RRM1: variants seen among roughly 807,000 people sequenced by gnomAD.
The protein encoded by RRM1 is ribonucleoside-diphosphate reductase large subunit.
A neutral mutation model predicts 101.5 loss-of-function variants in RRM1; 19 were observed. The observed-to-expected ratio is 0.19, with a 90% confidence interval of 0.13 to 0.27. The LOEUF (loss-of-function observed/expected upper bound fraction) is 0.27, where lower values mean the gene tolerates loss of function less well. Among genes scored for constraint, RRM1 ranks in the 10% least tolerant of loss-of-function variants. The pLI is 1.00. For synonymous variants in RRM1, 298 were observed against 323.4 expected (o/e 0.92, Z 0.84); for missense variants, 500 against 962.9 (o/e 0.52, Z 6.36).
chr11:4,118,195 T>C, intron 7 of RRM1, 125 bp from the exon 8 acceptor site: 1 of 940,140 alleles, frequency 1.1e-6, no homozygotes. Flanking sequence ...TTGAAAATCA[T>C]TTAGGAACTT....
Position 4,121,634 on chromosome 11 carries a change from C to G in RRM1, c.907C>G (p.Pro303Ala). 6.2e-7 allele frequency: 1 copy of G among 1,613,528 alleles called. No individual in the cohort carries two copies. Among genetic ancestry groups the G allele is most frequent in the Non-Finnish European group, 8.5e-7 (1 of 1,179,718 alleles). ...RPGAFAIYLE[P>A]WHLDIFEFLD... ...TGGGGCATTTGCTATTTACCTGGAGCCTTGGCATTTAGACATCTTTGAATT... is the reference window on the plus strand; with the variant it reads ...TGGGGCATTTGCTATTTACCTGGAGGCTTGGCATTTAGACATCTTTGAATT... Residue 303 changes from proline to alanine, a missense_variant, in exon 10 of 19, where the codon CCT (proline) becomes GCT (alanine). This residue lies in a region of RRM1 where 111 missense variants were observed against 219.8 expected (regional missense o/e 0.51). Coordinates refer to ENST00000300738, the MANE Select transcript of RRM1 (RefSeq NM_001033.5).
chr11:4,127,923 G>A (rs900536328), intron 14 of RRM1, among the ~76,000 whole-genome samples: 1 of 152,126 alleles, frequency 6.6e-6, no homozygotes, highest in Admixed American at 6.5e-5. Flanking sequence ...TCTTTTCTGG[G>A]TCTGTGTTCA....
At chr11:4,128,588 C>G (rs2094593838) in intron 14 of RRM1, among the ~76,000 whole-genome samples, 1 of 152,170 alleles carries the variant, frequency 6.6e-6, no homozygotes, top group South Asian at 2.1e-4. Flanking sequence ...ATCTGGGAAG[C>G]TGTCTTAGAA....
chr11:4,117,618 G>A (rs1352006067), intron 7 of RRM1, among the ~76,000 whole-genome samples: 1 of 152,162 alleles, frequency 6.6e-6, no homozygotes, highest in Non-Finnish European at 1.5e-5. Context: ...AATGTTAGAG[G>A]ATTGCAATGA....
Position 4,132,550 on chromosome 11 carries a change from TCATCTC to T in RRM1, c.1905+130_1905+135del. ...CAAACTTTGATAAAGACAGTCATCT[TCATCTC>T]TAATATTATTATTTGTTATTAATAT... On this transcript the variant is annotated intron_variant, in intron 16 of 18. Transcript: ENST00000300738. This position sits in a 1 kb window ranked among gnomAD's most constrained non-coding sequence, Gnocchi z 4.1. 1.3e-6 allele frequency: 1 copy of T among 772,248 alleles called. No homozygotes were observed. The highest frequency in any genetic ancestry group is 2.1e-6 in the Non-Finnish European group (1 of 473,824). 47.8% of individuals were successfully genotyped at this position (772,248 alleles called of 1,614,324 possible).
chr11:4,097,727 G>A (rs542871996), intron 1 of RRM1, among the ~76,000 whole-genome samples: 1 of 152,218 alleles, frequency 6.6e-6, no homozygotes, highest in African/African-American at 2.4e-5. Context: ...CAGTAGCTGG[G>A]ACTACAGATG....
chr11:4,113,300 C>G (rs2094568103), intron 7 of RRM1, among the ~76,000 whole-genome samples: 1 of 151,790 alleles, frequency 6.6e-6, no homozygotes, highest in African/African-American at 2.4e-5. Flanking sequence ...CAAAAGATAC[C>G]CAATAAAAAC....
chr11:4,129,941 T>C (rs2094596292), intron 15 of RRM1, among the ~76,000 whole-genome samples: 1 of 150,990 alleles, frequency 6.6e-6, no homozygotes, highest in South Asian at 2.1e-4. Context: ...ATACTAATAC[T>C]GCCTCCCCCA....
chr11:4,122,893 A>G (rs1305636370), intron 11 of RRM1, among the ~76,000 whole-genome samples: 1 of 151,936 alleles, frequency 6.6e-6, no homozygotes, highest in African/African-American at 2.4e-5. Context: ...AAAGGAAAAA[A>G]ATTTAGCACA....
At chr11:4,105,940 A>G in intron 2 of RRM1, 106 bp from the exon 3 acceptor site, 1 of 834,792 alleles carries the variant, frequency 1.2e-6, no homozygotes, top group Non-Finnish European at 2.0e-6. Flanking sequence ...CTGGGACTAT[A>G]GGCATGTACT....
At chr11:4,118,246 T>C in intron 7 of RRM1, 74 bp from the exon 8 acceptor site, 2 of 1,405,738 alleles carry the variant, frequency 1.4e-6, no homozygotes, top group Non-Finnish European at 2.0e-6. Flanking sequence ...CCTTAGTGTC[T>C]TTGTGTTGAG....
chr11:4,101,901 T>A (rs1193615987), intron 1 of RRM1, 92 bp from the exon 2 acceptor site: 1 of 723,666 alleles, frequency 1.4e-6, no homozygotes, highest in East Asian at 2.5e-5. Flanking sequence ...GTTGGTCAAT[T>A]TACATGTTAA....
At position 4,111,966 on chromosome 11, in the gene RRM1, C is replaced by G; in HGVS notation, c.554C>G (p.Ala185Gly). ...GGGATCCACAAAGAAGACATTGATGCAGCAATTGAAACATATAATCTTCTT... is the reference window on the plus strand; with the variant it reads ...GGGATCCACAAAGAAGACATTGATGGAGCAATTGAAACATATAATCTTCTT... The part of the protein sequence containing the change: ...SVGIHKEDID[A>G]AIETYNLLSE... The change falls in exon 7 of 19, where the codon GCA becomes GGA. Residue 185 changes from alanine to glycine, a missense_variant. This residue lies in a region of RRM1 where 111 missense variants were observed against 219.8 expected (regional missense o/e 0.51). Transcript: ENST00000300738. 2.5e-6 allele frequency: 4 copies of G among 1,613,810 alleles called. No individual in the cohort carries two copies. The highest frequency in any genetic ancestry group is 3.4e-6 in the Non-Finnish European group (4 of 1,179,716).
At chr11:4,118,738 G>A (rs1474990740) in intron 8 of RRM1, among the ~76,000 whole-genome samples, 2 of 152,136 alleles carry the variant, frequency 1.3e-5, no homozygotes, top group African/African-American at 4.8e-5. Context: ...ATCATTGATT[G>A]ATTGCTTACT....
rs1470968050 is a variant in RRM1 at position 4,122,235 on chromosome 11, T to C, written c.1118+15T>C. 1 of 1,544,192 alleles carries C rather than the reference T, an allele frequency of 6.5e-7. No individual in the cohort carries two copies. The highest frequency in any genetic ancestry group is 8.9e-7 in the Non-Finnish European group (1 of 1,119,184). The stretch of plus-strand genomic sequence containing the variant: ...CTATATGCAAGGTATGGGAAAAATA[T>C]GAAAGAAAACAATAATGTTTTAATC... On this transcript the variant is annotated intron_variant, in intron 11 of 18. Coordinates refer to ENST00000300738, the MANE Select transcript of RRM1 (RefSeq NM_001033.5).
intron 4 of RRM1, among the ~76,000 whole-genome samples, chr11:4,108,324 C>T (rs577559458): frequency 6.6e-6 from 1 of 152,196 alleles, no homozygotes; most frequent in South Asian, 2.1e-4. Flanking sequence ...TTAGGCCGGG[C>T]GCGGTAGCTC....
chr11:4,107,481 A>G lies in RRM1; in HGVS notation c.333A>G (p.Lys111=), dbSNP rs1261765315. Residue 111 remains lysine (K), a synonymous_variant, in exon 4 of 19, where the codon AAA becomes AAG. Coordinates refer to ENST00000300738, the MANE Select transcript of RRM1 (RefSeq NM_001033.5). ...ACTACATAAATCCACATAATGGCAA[A>G]CACTCTCCCATGGTGGCCAAGTCAA... ...LYNYINPHNG[K]HSPMVAKSTL... 5 of 1,613,578 alleles carry G rather than the reference A, an allele frequency of 3.1e-6. No homozygotes were observed. The Admixed American group carries it at 5.0e-5, about 16-fold the overall frequency.
Position 4,109,622 on chromosome 11 carries a change from G to C in RRM1, c.388-22G>C, listed in dbSNP as rs2094562783. ...AAGTAATTATTTTAATTTAATTATGGGTTCTTTTTCACCCCTATCAGCGCC... is the reference window on the plus strand; with the variant it reads ...AAGTAATTATTTTAATTTAATTATGCGTTCTTTTTCACCCCTATCAGCGCC... On this transcript the variant is annotated intron_variant, in intron 4 of 18. Transcript: ENST00000300738. 3.2e-6 allele frequency: 5 copies of C among 1,576,772 alleles called. No homozygotes were observed. The East Asian group carries it at 1.1e-4, about 35-fold the overall frequency.
At chr11:4,105,468 C>T (rs941103356) in intron 2 of RRM1, 10 of 343,964 alleles carry the variant, frequency 2.9e-5, no homozygotes, top group African/African-American at 1.4e-4. Flanking sequence ...TGGGCTCAAG[C>T]GAGCCTCCTA....
Sources: allele counts gnomAD v4.1 joint callset (sites outside exome capture counted in the v4.1 genomes callset), GRCh38; gene constraint gnomAD v4.1.1; regional missense constraint gnomAD v4.1.1; non-coding constraint Gnocchi (gnomAD v3.1); transcripts MANE v1.5; gene names NCBI Gene and HGNC (gene_info 2026-07-23, HGNC 2026-07-21).